The following SNTG1 variants were observed in gnomAD, a reference collection of about 807,000 sequenced individuals.
SNTG1 encodes syntrophin gamma 1.
A neutral mutation model predicts 74.7 loss-of-function variants in SNTG1; 39 were observed. The observed-to-expected ratio is 0.52, with a 90% CI of 0.40 to 0.68. The LOEUF is 0.68. Among genes scored for constraint, SNTG1 ranks in the 30% least tolerant of loss-of-function variants. The pLI, the probability that SNTG1 is intolerant of heterozygous loss-of-function variation, is 0.00. For missense variants in SNTG1, 685 were observed against 609.5 expected (o/e 1.12, Z -1.30); for synonymous variants, 254 against 217.1 (o/e 1.17, Z -1.49).
At chr8:50,148,557 C>A (rs1563659684) in intron 1 of SNTG1, among the ~76,000 whole-genome samples, 1 of 152,054 alleles carries the variant, frequency 6.6e-6, no homozygotes, top group African/African-American at 2.4e-5. Context: ...TCCCTCCCCC[C>A]AACCCAGAAC....
intron 2 of SNTG1, among the ~76,000 whole-genome samples, chr8:50,184,101 G>A (rs773005272): frequency 1.4e-4 from 21 of 152,044 alleles, no homozygotes; most frequent in Non-Finnish European, 2.9e-4. Flanking sequence ...AGTATCAACA[G>A]TTTGTCTCTC....
At chr8:50,769,885 C>A (rs1468614753) in intron 18 of SNTG1, among the ~76,000 whole-genome samples, 1 of 151,864 alleles carries the variant, frequency 6.6e-6, no homozygotes. Context: ...CCTAAAAGAA[C>A]CTAAAAGATT....
Position 50,793,101 on chromosome 8 carries a change from A to G in SNTG1, c.*272A>G, listed in dbSNP as rs1458673188. On this transcript the variant is annotated 3_prime_UTR_variant, in exon 19 of 19. Coordinates refer to ENST00000642720, the MANE Select transcript of SNTG1 (RefSeq NM_018967.5). ...CTTTCACCAAAAGTGGAGACAAAAGAATAAATTATTTGAAGAAGTATGTAA... is the reference window on the plus strand; with the variant it reads ...CTTTCACCAAAAGTGGAGACAAAAGGATAAATTATTTGAAGAAGTATGTAA... 1 of 285,378 alleles carries G rather than the reference A, an allele frequency of 3.5e-6. No homozygotes were observed. The highest frequency in any genetic ancestry group is 6.4e-6 in the Non-Finnish European group (1 of 155,466). The allele number at this position is 285,378 out of a possible 1,614,324, so 17.7% of individuals were successfully genotyped here.
intron 1 of SNTG1, among the ~76,000 whole-genome samples, chr8:49,919,238 G>A (rs1266316259): frequency 1.3e-5 from 2 of 152,084 alleles, no homozygotes; most frequent in African/African-American, 4.8e-5. Flanking sequence ...TAGATGTACT[G>A]GGATTGACCA....
chr8:50,018,483 T>G (rs1237447687), intron 1 of SNTG1, among the ~76,000 whole-genome samples: 3 of 151,896 alleles, frequency 2.0e-5, no homozygotes, highest in Non-Finnish European at 4.4e-5. Context: ...TACTCAAAAA[T>G]CCACACAAAA....
intron 1 of SNTG1, among the ~76,000 whole-genome samples, chr8:50,135,186 C>G (rs16914320): frequency 0.081 from 12,363 of 152,140 alleles, 1,626 homozygotes; most frequent in African/African-American, 0.28. Flanking sequence ...TTGATCTTCA[C>G]GGCTATTCAT....
At chr8:50,276,373 T>TTA (rs6150576) in intron 2 of SNTG1, among the ~76,000 whole-genome samples, 1,945 of 143,160 alleles carry the variant, frequency 0.014, 31 homozygotes, top group African/African-American at 0.039. Context: ...CAAGTAAATT[T>TTA]TATATATATA....
At chr8:49,911,017 C>T (rs980315345), upstream of SNTG1, 2 of 152,252 alleles carry the variant, frequency 1.3e-5, no homozygotes, top group Non-Finnish European at 2.9e-5. Context: ...TGCAACGATC[C>T]CGATCCAATT....
At chr8:50,649,354 C>T (rs1456599901) in intron 13 of SNTG1, among the ~76,000 whole-genome samples, 2 of 152,078 alleles carry the variant, frequency 1.3e-5, no homozygotes, top group East Asian at 1.9e-4. Flanking sequence ...AAAAAATTAG[C>T]CGGACGTTAT....
intron 2 of SNTG1, among the ~76,000 whole-genome samples, chr8:50,220,844 C>T (rs1365775617): frequency 6.6e-6 from 1 of 152,172 alleles, no homozygotes; most frequent in African/African-American, 2.4e-5. Flanking sequence ...TCATTCTCTC[C>T]CCTCTTGTCT....
intron 1 of SNTG1, among the ~76,000 whole-genome samples, chr8:50,031,890 C>A (rs979649811): frequency 6.6e-6 from 1 of 152,018 alleles, no homozygotes; most frequent in African/African-American, 2.4e-5. Flanking sequence ...GTAGAATTTA[C>A]GTCTTATACA....
intron 9 of SNTG1, among the ~76,000 whole-genome samples, chr8:50,510,879 T>C (rs969432225): frequency 7.9e-5 from 12 of 152,200 alleles, no homozygotes; most frequent in African/African-American, 2.4e-4. Context: ...CCTGGATTCA[T>C]TGATTTTTTG....
At chr8:50,234,834 T>C (rs951450710) in intron 2 of SNTG1, among the ~76,000 whole-genome samples, 2 of 152,074 alleles carry the variant, frequency 1.3e-5, no homozygotes, top group African/African-American at 2.4e-5. Flanking sequence ...CTTTTTCTGA[T>C]AGATCATATC....
chr8:50,347,240 AT>A (rs2091506829), intron 2 of SNTG1, among the ~76,000 whole-genome samples: 1 of 152,202 alleles, frequency 6.6e-6, no homozygotes, highest in Non-Finnish European at 1.5e-5. Context: ...CATTTTTTAA[AT>A]CCTAGGGCTC....
chr8:50,324,866 T>C (rs1381305834), intron 2 of SNTG1, among the ~76,000 whole-genome samples: 1 of 150,662 alleles, frequency 6.6e-6, no homozygotes, highest in African/African-American at 2.4e-5. Context: ...TTCCTAGAAT[T>C]TTTGTAAACT....
At chr8:50,668,923 T>C (rs564680049) in intron 15 of SNTG1, among the ~76,000 whole-genome samples, 41 of 152,168 alleles carry the variant, frequency 2.7e-4, no homozygotes, top group African/African-American at 9.4e-4. Context: ...CAATTGTAAA[T>C]AGTGCTGCAG....
chr8:50,238,680 A>G (rs923041597), intron 2 of SNTG1, among the ~76,000 whole-genome samples: 2 of 152,310 alleles, frequency 1.3e-5, no homozygotes, highest in Non-Finnish European at 2.9e-5. Flanking sequence ...ACAGCTAATG[A>G]AACTGTCAAC....
chr8:50,452,797 G>C (rs2093469123), intron 8 of SNTG1, among the ~76,000 whole-genome samples: 1 of 152,036 alleles, frequency 6.6e-6, no homozygotes, highest in Non-Finnish European at 1.5e-5. Context: ...ACAGCTATTA[G>C]ATGCTTTGTC....
intron 12 of SNTG1, among the ~76,000 whole-genome samples, chr8:50,584,556 G>T (rs1162901966): frequency 1.5e-5 from 2 of 136,030 alleles, no homozygotes; most frequent in African/African-American, 5.4e-5. Flanking sequence ...ACTGTCTCCT[G>T]GGCTGGAGTG....
Sources: gnomAD v4.1 joint callset for allele counts (sites outside exome capture counted in the v4.1 genomes callset) on GRCh38, gnomAD v4.1.1 for gene constraint, MANE v1.5 for transcripts, NCBI Gene and HGNC (gene_info 2026-07-23, HGNC 2026-07-21) for gene names.